NTF3: variants seen among roughly 807,000 people sequenced by gnomAD.
The protein encoded by NTF3 is neurotrophin-3.
A neutral mutation model predicts 26.3 loss-of-function variants in NTF3; 8 were observed. That is an observed-to-expected ratio of 0.30 (90% CI 0.18 to 0.55). NTF3 has a LOEUF of 0.55. Among genes scored for constraint, NTF3 ranks in the 20% least tolerant of loss-of-function variants. The pLI, the probability that NTF3 is intolerant of heterozygous loss-of-function variation, is 0.93. For missense variants in NTF3, 276 were observed against 352.9 expected, an observed-to-expected ratio of 0.78 and a Z score of 1.75; for synonymous variants, 154 against 145.5, an observed-to-expected ratio of 1.06 and a Z score of -0.42.
chr12:5,432,606 C>CAG (rs1555141046), intron 1 of NTF3, among the ~76,000 whole-genome samples: 1 of 134,858 alleles, frequency 7.4e-6, no homozygotes, highest in South Asian at 2.4e-4. Context: ...CACACACACA[C>CAG]AGACACGGAC....
At chr12:5,449,667 A>T (rs1402328077) in intron 1 of NTF3, among the ~76,000 whole-genome samples, 1 of 152,204 alleles carries the variant, frequency 6.6e-6, no homozygotes, top group African/African-American at 2.4e-5. Flanking sequence ...GAGTAAGAAA[A>T]GCGCTAACAA....
Position 5,457,487 on chromosome 12 carries a change from T to A in NTF3, c.18+25145T>A, listed in dbSNP as rs375053261. Among the ~76,000 whole-genome samples, 12 of 152,312 alleles carry A rather than the reference T, an allele frequency of 7.9e-5. No homozygotes were observed. The East Asian group carries it at 1.4e-3, about 17-fold the overall frequency. ...GGATACCACGGCATCCTGGTTTTTG[T>A]CCTACCTCTGTGGCTGTTTCTGCGT... On this transcript the variant is annotated intron_variant, in intron 1 of 1. Coordinates refer to ENST00000423158, the MANE Select transcript of NTF3 (RefSeq NM_001102654.2).
intron 1 of NTF3, among the ~76,000 whole-genome samples, chr12:5,488,090 G>A (rs1055688116): frequency 5.9e-5 from 9 of 152,162 alleles, no homozygotes; most frequent in African/African-American, 9.7e-5. Context: ...AGAAGGTGCC[G>A]TGGAAACCCA....
chr12:5,445,823 G>A (rs1391775305), intron 1 of NTF3, among the ~76,000 whole-genome samples: 1 of 152,172 alleles, frequency 6.6e-6, no homozygotes, highest in African/African-American at 2.4e-5. Flanking sequence ...AGTTTGCTGA[G>A]AACTCCTCAC....
chr12:5,450,719 C>T (rs755502467), intron 1 of NTF3, among the ~76,000 whole-genome samples: 3 of 152,184 alleles, frequency 2.0e-5, no homozygotes, highest in Non-Finnish European at 4.4e-5. Context: ...TTTTTGCAGA[C>T]AAAGCAACGG....
At chr12:5,479,479 G>A (rs1940761884) in intron 1 of NTF3, among the ~76,000 whole-genome samples, 1 of 152,222 alleles carries the variant, frequency 6.6e-6, no homozygotes, top group East Asian at 1.9e-4. Context: ...CTTACCTGGT[G>A]ATCACAGGCA....
intron 1 of NTF3, among the ~76,000 whole-genome samples, chr12:5,489,047 C>T (rs1448997127): frequency 6.6e-6 from 1 of 152,180 alleles, no homozygotes; most frequent in Non-Finnish European, 1.5e-5. Context: ...GGTCTCAAAC[C>T]CAGGATGTGA....
At chr12:5,464,275 G>A (rs1176748031) in intron 1 of NTF3, among the ~76,000 whole-genome samples, 1 of 152,194 alleles carries the variant, frequency 6.6e-6, no homozygotes, top group Non-Finnish European at 1.5e-5. Flanking sequence ...GCTAATCTAA[G>A]GCTAACAGGA....
At chr12:5,434,877 A>G (rs1391886619) in intron 1 of NTF3, among the ~76,000 whole-genome samples, 2 of 151,962 alleles carry the variant, frequency 1.3e-5, no homozygotes, top group Non-Finnish European at 2.9e-5. Flanking sequence ...TTTGAACTTC[A>G]TGAGGGTGCA....
At chr12:5,481,989 A>T (rs1054784915) in intron 1 of NTF3, among the ~76,000 whole-genome samples, 1 of 151,962 alleles carries the variant, frequency 6.6e-6, no homozygotes, top group Non-Finnish European at 1.5e-5. Flanking sequence ...ACACACTCGC[A>T]GGCATACATG....
At chr12:5,442,713 T>C (rs1378368952) in intron 1 of NTF3, among the ~76,000 whole-genome samples, 1 of 152,156 alleles carries the variant, frequency 6.6e-6, no homozygotes, top group Non-Finnish European at 1.5e-5. Flanking sequence ...TATTTAGTAA[T>C]TTTTTTAGAA....
At position 5,495,020 on chromosome 12, in the gene NTF3, C is replaced by A; in HGVS notation, c.*32C>A. 1 of 1,556,330 alleles carries A rather than the reference C, an allele frequency of 6.4e-7. No individual in the cohort carries two copies. The highest frequency in any genetic ancestry group is 8.7e-7 in the Non-Finnish European group (1 of 1,144,060). ...ATCTCTCCCCATATATAAATTATTA[C>A]TTTAAATTATATGATATGCATGTAG... On this transcript the variant is annotated 3_prime_UTR_variant, in exon 2 of 2. Coordinates refer to ENST00000423158, the MANE Select transcript of NTF3 (RefSeq NM_001102654.2).
intron 1 of NTF3, among the ~76,000 whole-genome samples, chr12:5,486,570 C>T (rs1304924002): frequency 6.6e-6 from 1 of 152,170 alleles, no homozygotes; most frequent in Non-Finnish European, 1.5e-5. Context: ...ATACACTAGA[C>T]CATAAACTCA....
At chr12:5,473,062 C>T (rs1940684623) in intron 1 of NTF3, among the ~76,000 whole-genome samples, 1 of 152,132 alleles carries the variant, frequency 6.6e-6, no homozygotes, top group African/African-American at 2.4e-5. Flanking sequence ...AGCTCCTGGC[C>T]CGTCTCTAAA....
intron 1 of NTF3, among the ~76,000 whole-genome samples, chr12:5,472,275 G>A (rs1232304077): frequency 2.0e-5 from 3 of 152,186 alleles, no homozygotes; most frequent in Non-Finnish European, 4.4e-5. Flanking sequence ...CAGCTCGTGC[G>A]CATGAGCATT....
intron 1 of NTF3, among the ~76,000 whole-genome samples, chr12:5,454,965 C>T (rs1425939273): frequency 6.6e-6 from 1 of 152,194 alleles, no homozygotes; most frequent in Admixed American, 6.5e-5. Context: ...TATTTACCTT[C>T]TCCAGGCCTC....
intron 1 of NTF3, among the ~76,000 whole-genome samples, chr12:5,445,283 A>C (rs1940289942): frequency 7.5e-6 from 1 of 134,202 alleles, no homozygotes; most frequent in Admixed American, 7.9e-5. Context: ...TCCTTGGATT[A>C]AATGATGTGT....
intron 1 of NTF3, among the ~76,000 whole-genome samples, chr12:5,486,296 T>C (rs796695583): frequency 6.6e-6 from 1 of 152,242 alleles, no homozygotes; most frequent in South Asian, 2.1e-4. Context: ...CCAAGCCAGC[T>C]GTGGTCTTGG....
At chr12:5,490,835 C>T (rs528250021) in intron 1 of NTF3, among the ~76,000 whole-genome samples, 8 of 152,298 alleles carry the variant, frequency 5.3e-5, no homozygotes, top group Non-Finnish European at 4.4e-5. Flanking sequence ...TTGTGGGGAC[C>T]GTGTTGGTAA....
Sources: gnomAD v4.1 joint callset for allele counts (sites outside exome capture counted in the v4.1 genomes callset) on GRCh38, gnomAD v4.1.1 for gene constraint, MANE v1.5 for transcripts, NCBI Gene and HGNC (gene_info 2026-07-23, HGNC 2026-07-21) for gene names.